The following CELF2 variants were observed in gnomAD, a reference collection of about 807,000 sequenced individuals.
CELF2 encodes the protein CUGBP Elav-like family member 2.
Under a neutral mutation model 62.6 loss-of-function variants are expected in CELF2, and 8 were observed. That is an observed-to-expected ratio of 0.13 (90% CI 0.07 to 0.23). CELF2 has a LOEUF of 0.23. Among genes scored for constraint, CELF2 ranks in the 10% least tolerant of loss-of-function variants. CELF2 has a pLI of 1.00. For synonymous variants in CELF2, 258 were observed against 250.0 expected, an observed-to-expected ratio of 1.03 and a Z score of -0.30; for missense variants, 333 against 671.0, an observed-to-expected ratio of 0.50 and a Z score of 5.56.
In CELF2 at chr10:11,236,277, G is replaced by A. The variant is rs573652131; in HGVS notation, c.355-12876G>A. Among the ~76,000 whole-genome samples the A allele has an allele frequency of 1.8e-3, 276 of 152,248 alleles. 11 individuals carry two copies. Among genetic ancestry groups the A allele is most frequent in the Non-Finnish European group, 5.1e-4 (35 of 68,048 alleles). On this transcript the variant is annotated intron_variant, in intron 3 of 12. Coordinates refer to ENST00000633077, the MANE Select transcript of CELF2 (RefSeq NM_001326342.2). ...AATTTTCCAAGTTAGTTTTGAACCA[G>A]AGATTTTAAAGATTTGCTTGTTAGA...
chr10:10,490,049 A>G, the CELF2 span, among the ~76,000 whole-genome samples: 1 of 151,644 alleles, frequency 6.6e-6, no homozygotes, highest in Non-Finnish European at 1.5e-5. Flanking sequence ...GAAACATCAC[A>G]TTTGATTATT....
At chr10:10,782,528 C>A in the CELF2 span, among the ~76,000 whole-genome samples, 86 of 152,290 alleles carry the variant, frequency 5.6e-4, no homozygotes, top group African/African-American at 1.9e-3. Context: ...TCTGGAAACA[C>A]CCTCACAAAT....
the CELF2 span, among the ~76,000 whole-genome samples, chr10:10,646,467 C>A: frequency 2.0e-5 from 3 of 152,170 alleles, no homozygotes; most frequent in African/African-American, 4.8e-5. Flanking sequence ...CGTTTCTCAG[C>A]CCCTTACTTT....
At chr10:11,048,862 C>CT (rs1373656928) in intron 1 of CELF2, among the ~76,000 whole-genome samples, 2 of 152,324 alleles carry the variant, frequency 1.3e-5, no homozygotes, top group African/African-American at 2.4e-5. Flanking sequence ...TGTAAATACT[C>CT]TGAGTGCAGA....
At chr10:11,037,243 T>C (rs977370494) in intron 1 of CELF2, among the ~76,000 whole-genome samples, 1 of 152,170 alleles carries the variant, frequency 6.6e-6, no homozygotes, top group Non-Finnish European at 1.5e-5. Context: ...GAGCTCCCCT[T>C]TATAAAACCA....
At chr10:10,499,920 G>A in the CELF2 span, among the ~76,000 whole-genome samples, 1 of 150,230 alleles carries the variant, frequency 6.7e-6, no homozygotes, top group African/African-American at 2.4e-5. Flanking sequence ...GGCAGTACCA[G>A]GTACCAGAAA....
At chr10:11,196,033 A>AG (rs1385843458) in intron 2 of CELF2, among the ~76,000 whole-genome samples, 7 of 84,296 alleles carry the variant, frequency 8.3e-5, no homozygotes, top group South Asian at 2.8e-4. Context: ...CAGGCAGGGG[A>AG]GAAAAAAAAA....
chr10:11,257,033 C>T (rs2078984536), intron 4 of CELF2, among the ~76,000 whole-genome samples: 2 of 152,080 alleles, frequency 1.3e-5, no homozygotes, highest in South Asian at 2.1e-4. Flanking sequence ...TCTCTAGAAT[C>T]GGCTTCCTGT....
chr10:11,021,619 C>T (rs1300006302), intron 1 of CELF2, among the ~76,000 whole-genome samples: 3 of 152,294 alleles, frequency 2.0e-5, no homozygotes, highest in East Asian at 3.9e-4. Flanking sequence ...ATAGTTTATT[C>T]ACACCGTCTC....
intron 4 of CELF2, among the ~76,000 whole-genome samples, chr10:11,253,168 G>T (rs189517948): frequency 1.3e-5 from 2 of 152,272 alleles, no homozygotes; most frequent in East Asian, 3.9e-4. Flanking sequence ...TTTGCCTCTT[G>T]CCGCAAGGGA....
intron 3 of CELF2, among the ~76,000 whole-genome samples, chr10:11,235,183 A>T (rs2070719665): frequency 6.6e-6 from 1 of 152,136 alleles, no homozygotes; most frequent in South Asian, 2.1e-4. Flanking sequence ...AAGCAAACAT[A>T]AAGAGGCAAG....
At chr10:10,699,957 C>T in the CELF2 span, among the ~76,000 whole-genome samples, 8 of 152,128 alleles carry the variant, frequency 5.3e-5, no homozygotes, top group Non-Finnish European at 1.2e-4. Context: ...GCAGCAGAGG[C>T]CCAAATACTG....
chr10:10,923,417 G>A (rs574882180), intron 2 of CELF2, among the ~76,000 whole-genome samples: 47 of 152,272 alleles, frequency 3.1e-4, no homozygotes, highest in African/African-American at 1.1e-3. Context: ...ATTACCTTAC[G>A]TGGTACTAAT....
At chr10:10,546,682 G>A in the CELF2 span, among the ~76,000 whole-genome samples, 1 of 152,058 alleles carries the variant, frequency 6.6e-6, no homozygotes, top group Non-Finnish European at 1.5e-5. Context: ...ATATGTTGTA[G>A]GTGAATTATT....
chr10:11,147,213 A>G (rs184487257), intron 1 of CELF2, among the ~76,000 whole-genome samples: 7 of 152,270 alleles, frequency 4.6e-5, no homozygotes, highest in Non-Finnish European at 1.0e-4. Context: ...AGAAACTGCT[A>G]CTTGGTATTT....
chr10:11,273,715 GTTTT>G (rs1555042453), intron 7 of CELF2, among the ~76,000 whole-genome samples: 1 of 150,414 alleles, frequency 6.6e-6, no homozygotes, highest in South Asian at 2.1e-4. Flanking sequence ...TGAAAGTTTT[GTTTT>G]TTTGTTTTTT....
the CELF2 span, among the ~76,000 whole-genome samples, chr10:10,777,997 T>C: frequency 1.3e-5 from 2 of 152,178 alleles, no homozygotes; most frequent in African/African-American, 4.8e-5. Flanking sequence ...CCTGCAAGAA[T>C]TCCTAAAAAC....
At chr10:10,989,767 CATAA>C (rs1412008379) in intron 2 of CELF2, among the ~76,000 whole-genome samples, 2 of 151,646 alleles carry the variant, frequency 1.3e-5, no homozygotes, top group Non-Finnish European at 2.9e-5. Flanking sequence ...AATTAAAATA[CATAA>C]ATAAATATAG....
chr10:10,734,885 T>C, the CELF2 span, among the ~76,000 whole-genome samples: 2 of 152,214 alleles, frequency 1.3e-5, no homozygotes, highest in Non-Finnish European at 2.9e-5. Context: ...CTGGGCTCCC[T>C]GCCCTGTAAA....
Sources: gnomAD v4.1 joint callset for allele counts (sites outside exome capture counted in the v4.1 genomes callset) on GRCh38, gnomAD v4.1.1 for gene constraint, MANE v1.5 for transcripts, NCBI Gene and HGNC (gene_info 2026-07-23, HGNC 2026-07-21) for gene names.